The following TXNL4A variants were observed in gnomAD, a reference collection of about 807,000 sequenced individuals.
TXNL4A encodes the protein thioredoxin like 4A.
In TXNL4A, 17 loss-of-function variants were observed where a neutral mutation model predicts 14.6. The ratio of observed to expected loss-of-function variants is 1.16; its 90% CI spans 0.80 to 1.74. The LOEUF is 1.74. TXNL4A is among the 40% of genes most tolerant of loss of function. TXNL4A has a pLI of 0.00. For synonymous variants in TXNL4A, 83 were observed against 70.6 expected, an observed-to-expected ratio of 1.18 and a Z score of -0.88; for missense variants, 74 against 195.2, an observed-to-expected ratio of 0.38 and a Z score of 3.70.
intron 1 of TXNL4A, among the ~76,000 whole-genome samples, chr18:80,022,268 G>A (rs2051854683): frequency 6.6e-6 from 1 of 152,156 alleles, no homozygotes; most frequent in Non-Finnish European, 1.5e-5. Context: ...TTGTGGGGCA[G>A]GTAGGACACC....
chr18:80,005,652 C>T (rs1398991869), intron 1 of TXNL4A, among the ~76,000 whole-genome samples: 1 of 152,224 alleles, frequency 6.6e-6, no homozygotes, highest in African/African-American at 2.4e-5. Context: ...CAGTGGCTCA[C>T]ATCTGTAATC....
intron 1 of TXNL4A, among the ~76,000 whole-genome samples, chr18:80,005,090 A>T (rs2051721012): frequency 6.6e-6 from 1 of 152,254 alleles, no homozygotes; most frequent in Non-Finnish European, 1.5e-5. Flanking sequence ...ACAGACGTGC[A>T]GTAGAACCAT....
At chr18:79,974,837 CCA>C (rs745729792) in intron 2 of TXNL4A, among the ~76,000 whole-genome samples, 3 of 152,152 alleles carry the variant, frequency 2.0e-5, no homozygotes, top group Non-Finnish European at 4.4e-5. Flanking sequence ...ACCCCTAGCT[CCA>C]GTCCCACCCC....
intron 1 of TXNL4A, among the ~76,000 whole-genome samples, chr18:79,988,021 A>T (rs1011149875): frequency 6.6e-6 from 1 of 150,740 alleles, no homozygotes; most frequent in South Asian, 2.1e-4. Flanking sequence ...AACCCTTTAA[A>T]ATATGAAAAA....
intron 1 of TXNL4A, among the ~76,000 whole-genome samples, chr18:80,009,313 T>C (rs2051754182): frequency 6.6e-6 from 1 of 152,224 alleles, no homozygotes; most frequent in African/African-American, 2.4e-5. Flanking sequence ...GTTATTGCTC[T>C]GTTGGGCAAA....
upstream of TXNL4A, among the ~76,000 whole-genome samples, chr18:79,990,473 A>G (rs78916168): frequency 0.011 from 1,617 of 152,312 alleles, 11 homozygotes; most frequent in Non-Finnish European, 0.017. Flanking sequence ...GATAAAACAA[A>G]ATCTCCTGTA....
chr18:80,022,284 G>A (rs952701670), intron 1 of TXNL4A, among the ~76,000 whole-genome samples: 1 of 152,194 alleles, frequency 6.6e-6, no homozygotes, highest in East Asian at 1.9e-4. Flanking sequence ...ACACCCGGAA[G>A]TTTTTTTCGA....
rs987438359 is a variant in TXNL4A, at chr18:80,011,638, G to A, written c.-61+22213C>T. Among the ~76,000 whole-genome samples the A allele has an allele frequency of 3.9e-5, 6 of 152,120 alleles. No individual in the cohort carries two copies. The highest frequency in any genetic ancestry group is 8.8e-5 in the Non-Finnish European group (6 of 68,024). ...TATTGCCTTCATGTCTTTATGCCCC[G>A]AGAGCACAACCGCTCGGCGGCATTC... is the stretch of plus-strand genomic sequence containing the variant. On this transcript the variant is annotated intron_variant, in intron 1 of 2. Transcript: ENST00000585474. The surrounding 1 kb of genome is among the most constrained non-coding windows in gnomAD (Gnocchi z 4.1).
intron 1 of TXNL4A, chr18:79,986,592 AAACACTTACAT>A: frequency 1.0e-6 from 1 of 985,474 alleles, no homozygotes; most frequent in Non-Finnish European, 1.2e-6. Flanking sequence ...CAAAGACCCT[AAACACTTACAT>A]TAACACATAA....
chr18:79,973,919 A>C, intron 2 of TXNL4A, 63 bp from the exon 3 acceptor site: 1 of 1,580,872 alleles, frequency 6.3e-7, no homozygotes. Flanking sequence ...ATTCCTTGAA[A>C]ACAATGCCGT....
chr18:79,988,086 C>T (rs775869186), intron 1 of TXNL4A, among the ~76,000 whole-genome samples, 154 bp downstream of exon 1: 1 of 152,282 alleles, frequency 6.6e-6, no homozygotes, highest in African/African-American at 2.4e-5. Flanking sequence ...TCCCCGAGAG[C>T]GCTCGACCGC....
At chr18:80,029,310 T>C (rs1439874572) in intron 1 of TXNL4A, among the ~76,000 whole-genome samples, 1 of 152,170 alleles carries the variant, frequency 6.6e-6, no homozygotes, top group Non-Finnish European at 1.5e-5. Flanking sequence ...GTCCCTAATA[T>C]AAAGGAAAGT....
At chr18:79,997,079 C>G (rs1449017109) in intron 1 of TXNL4A, among the ~76,000 whole-genome samples, 3 of 152,090 alleles carry the variant, frequency 2.0e-5, no homozygotes, top group African/African-American at 7.2e-5. Context: ...GAATAAAGAG[C>G]AGAAAACAGT....
chr18:79,977,844 C>G, intron 1 of TXNL4A, 143 bp from the exon 2 acceptor site: 1 of 626,096 alleles, frequency 1.6e-6, no homozygotes, highest in Non-Finnish European at 2.8e-6. Context: ...GGGTCTCACT[C>G]TGTCATCCTA....
chr18:79,998,292 CAA>C (rs1281876024), intron 1 of TXNL4A, among the ~76,000 whole-genome samples: 14 of 122,824 alleles, frequency 1.1e-4, no homozygotes, highest in Non-Finnish European at 1.2e-4. Flanking sequence ...GACTCCGTCT[CAA>C]AAAAAAAAAA....
Position 79,973,602 on chromosome 18 carries a change from A to G in TXNL4A, c.*83T>C. 1.3e-6 allele frequency: 2 copies of G among 1,507,496 alleles called. No individual in the cohort carries two copies. The highest frequency in any genetic ancestry group is 4.6e-5 in the Admixed American group (2 of 43,458). The allele number at this position is 1,507,496 out of a possible 1,614,324, so 93.4% of individuals were successfully genotyped here. A position where few individuals can be genotyped will look rare whatever the true frequency, so the allele number is the denominator to read the frequency against. Reference sequence around the variant, plus strand: ...GTGCTCCAGCCCTGGAGCTTCCTGTATTTTCCAAAGGCTTTAAATAGCTTA... The same window carrying G: ...GTGCTCCAGCCCTGGAGCTTCCTGTGTTTTCCAAAGGCTTTAAATAGCTTA... On this transcript the variant is annotated 3_prime_UTR_variant, in exon 3 of 3. Transcript: ENST00000269601.
intron 1 of TXNL4A, among the ~76,000 whole-genome samples, chr18:79,998,183 C>T (rs1199496200): frequency 6.6e-6 from 1 of 152,078 alleles, no homozygotes; most frequent in Non-Finnish European, 1.5e-5. Flanking sequence ...GTCCCAGCTA[C>T]TCTGGAGGCT....
intron 1 of TXNL4A, among the ~76,000 whole-genome samples, chr18:80,010,104 G>A (rs753393272): frequency 6.6e-6 from 1 of 152,150 alleles, no homozygotes; most frequent in Non-Finnish European, 1.5e-5. Flanking sequence ...AACAGTTTTT[G>A]TTCTTTGAGA....
At chr18:79,981,250 G>C (rs1568364987) in intron 1 of TXNL4A, among the ~76,000 whole-genome samples, 1 of 152,130 alleles carries the variant, frequency 6.6e-6, no homozygotes, top group Non-Finnish European at 1.5e-5. Context: ...ATTTGGACAG[G>C]GTTGTAAATT....
Sources: gnomAD v4.1 joint callset for allele counts (sites outside exome capture counted in the v4.1 genomes callset) on GRCh38, gnomAD v4.1.1 for gene constraint, Gnocchi (gnomAD v3.1) non-coding constraint, MANE v1.5 for transcripts, NCBI Gene and HGNC (gene_info 2026-07-23, HGNC 2026-07-21) for gene names.